The following CLSTN2 variants were observed in gnomAD, a reference collection of about 807,000 sequenced individuals.
CLSTN2 encodes calsyntenin-2.
A neutral mutation model predicts 101.2 loss-of-function variants in CLSTN2; 48 were observed. The ratio of observed to expected loss-of-function variants is 0.47; its 90% CI spans 0.38 to 0.60. CLSTN2 has a LOEUF of 0.60. CLSTN2 is among the 20% of genes least tolerant of loss of function. The probability of loss-of-function intolerance (pLI) is 0.00; values close to 1 mark genes in which losing one functional copy is unlikely to be tolerated. For synonymous variants in CLSTN2, 481 were observed against 463.6 expected (o/e 1.04, Z -0.48); for missense variants, 1,160 against 1,238.2 (o/e 0.94, Z 0.95).
chr3:140,207,634 G>A (rs1253809891), intron 2 of CLSTN2, among the ~76,000 whole-genome samples: 1 of 152,174 alleles, frequency 6.6e-6, no homozygotes, highest in Non-Finnish European at 1.5e-5. Context: ...GCTGAGAACA[G>A]GGTAAATAGA....
chr3:140,481,233 G>C (rs1359614889), intron 8 of CLSTN2, among the ~76,000 whole-genome samples: 2 of 152,068 alleles, frequency 1.3e-5, no homozygotes, highest in East Asian at 1.9e-4. Flanking sequence ...TTTTTGTCAG[G>C]TTTGTCAAAG....
At chr3:140,409,715 G>C (rs867338827) in intron 4 of CLSTN2, among the ~76,000 whole-genome samples, 45 of 152,230 alleles carry the variant, frequency 3.0e-4, no homozygotes, top group African/African-American at 9.6e-4. Context: ...CCAAAGAATA[G>C]CCATTGAATT....
intron 1 of CLSTN2, among the ~76,000 whole-genome samples, chr3:140,131,115 G>T (rs2350280): frequency 0.082 from 12,482 of 151,422 alleles, 1,679 homozygotes; most frequent in African/African-American, 0.28. Flanking sequence ...TAACCACTTT[G>T]TCCCTCAAAA....
chr3:140,174,965 C>T (rs1012955183), intron 1 of CLSTN2, among the ~76,000 whole-genome samples: 5 of 152,182 alleles, frequency 3.3e-5, no homozygotes, highest in African/African-American at 1.2e-4. Flanking sequence ...GGAAAGGCTC[C>T]GTTCCAGGAT....
At chr3:140,343,649 G>A (rs2087513330) in intron 2 of CLSTN2, among the ~76,000 whole-genome samples, 1 of 152,190 alleles carries the variant, frequency 6.6e-6, no homozygotes, top group Non-Finnish European at 1.5e-5. Flanking sequence ...CTTGTGAGAT[G>A]TTTCTTAAGC....
intron 7 of CLSTN2, among the ~76,000 whole-genome samples, chr3:140,465,401 C>T (rs1933668419): frequency 6.6e-6 from 1 of 152,188 alleles, no homozygotes; most frequent in South Asian, 2.1e-4. Flanking sequence ...CCCAGAACTG[C>T]TGAGAAAAGT....
intron 2 of CLSTN2, among the ~76,000 whole-genome samples, chr3:140,318,340 A>G (rs1046942476): frequency 2.6e-5 from 4 of 152,184 alleles, no homozygotes; most frequent in Non-Finnish European, 4.4e-5. Context: ...ATGAATCCCA[A>G]TGGTTGTGGG....
intron 1 of CLSTN2, among the ~76,000 whole-genome samples, chr3:140,079,530 T>A (rs1268924751): frequency 6.6e-6 from 1 of 152,040 alleles, no homozygotes; most frequent in East Asian, 1.9e-4. Flanking sequence ...CAGGGGCAGA[T>A]CATGAGGTCA....
At chr3:140,561,464 A>G (rs959712660) in intron 12 of CLSTN2, among the ~76,000 whole-genome samples, 3 of 152,162 alleles carry the variant, frequency 2.0e-5, no homozygotes, top group Non-Finnish European at 2.9e-5. Flanking sequence ...TGACTGACCA[A>G]CTTGCTAATG....
At position 140,558,903 on chromosome 3, in the gene CLSTN2, T is replaced by C. The variant is rs748117964; in HGVS notation, c.2041+46T>C. On this transcript the variant is annotated intron_variant, in intron 12 of 16. Transcript: ENST00000458420. Reference sequence around the variant, plus strand: ...GTGGGGAGGGTGGACCTTAATTTTTTACAGCCATGTGAAAACATACTTCAG... The same window carrying C: ...GTGGGGAGGGTGGACCTTAATTTTTCACAGCCATGTGAAAACATACTTCAG... The C allele has an allele frequency of 1.8e-5, 27 of 1,479,092 alleles. No homozygotes were observed. The East Asian group carries it at 4.3e-4, about 24-fold the overall frequency. 91.6% of individuals were successfully genotyped at this position (1,479,092 alleles called of 1,614,324 possible).
intron 2 of CLSTN2, among the ~76,000 whole-genome samples, chr3:140,360,051 A>T (rs1159713419): frequency 2.6e-5 from 4 of 151,938 alleles, no homozygotes; most frequent in African/African-American, 9.7e-5. Flanking sequence ...GTTTCCTCAT[A>T]CAATTTCTCC....
At chr3:140,499,130 A>G (rs1576599651) in intron 8 of CLSTN2, among the ~76,000 whole-genome samples, 1 of 152,240 alleles carries the variant, frequency 6.6e-6, no homozygotes, top group African/African-American at 2.4e-5. Flanking sequence ...ATCTGATGAG[A>G]AAACCTACTT....
At chr3:140,195,887 A>C (rs538749330) in intron 2 of CLSTN2, among the ~76,000 whole-genome samples, 1 of 152,354 alleles carries the variant, frequency 6.6e-6, no homozygotes, top group East Asian at 1.9e-4. Context: ...ATAAGAAACT[A>C]TTACCTATTG....
intron 10 of CLSTN2, among the ~76,000 whole-genome samples, chr3:140,556,150 C>T (rs371353982): frequency 2.6e-5 from 4 of 152,140 alleles, no homozygotes; most frequent in African/African-American, 4.8e-5. Context: ...GGAGTGAAAA[C>T]GCAAGTTCTG....
chr3:140,210,979 A>T (rs1351317569), intron 2 of CLSTN2, among the ~76,000 whole-genome samples: 1 of 152,106 alleles, frequency 6.6e-6, no homozygotes, highest in Non-Finnish European at 1.5e-5. Flanking sequence ...GTGCACAGAG[A>T]ATTCTGCTTA....
chr3:140,427,165 G>A (rs1430609205), intron 5 of CLSTN2, among the ~76,000 whole-genome samples: 39 of 98,640 alleles, frequency 4.0e-4, no homozygotes, highest in Non-Finnish European at 3.9e-4. Context: ...GACAGAGTGA[G>A]ACTGTCTCAA....
chr3:140,302,190 T>G (rs1314326178), intron 2 of CLSTN2, among the ~76,000 whole-genome samples: 3 of 152,342 alleles, frequency 2.0e-5, no homozygotes, highest in African/African-American at 2.4e-5. Context: ...TTGTGGTGGT[T>G]GTTTTTCCAT....
chr3:140,105,893 G>A (rs1211263362), intron 1 of CLSTN2, among the ~76,000 whole-genome samples: 2 of 152,172 alleles, frequency 1.3e-5, no homozygotes, highest in Non-Finnish European at 2.9e-5. Context: ...GTCACACTCG[G>A]TGACCTAAGA....
chr3:140,431,968 A>G (rs1004308750), intron 5 of CLSTN2, among the ~76,000 whole-genome samples: 1 of 152,246 alleles, frequency 6.6e-6, no homozygotes, highest in South Asian at 2.1e-4. Context: ...AATGAATGCT[A>G]TGATTAAATT....
Sources: allele counts gnomAD v4.1 joint callset (sites outside exome capture counted in the v4.1 genomes callset), GRCh38; gene constraint gnomAD v4.1.1; transcripts MANE v1.5; gene names NCBI Gene and HGNC (gene_info 2026-07-23, HGNC 2026-07-21).